PLEKHA2: variants seen among roughly 807,000 people sequenced by gnomAD.
PLEKHA2 encodes the protein pleckstrin homology domain-containing family A member 2.
A neutral mutation model predicts 53.2 loss-of-function variants in PLEKHA2; 28 were observed. The observed-to-expected ratio is 0.53, with a 90% CI of 0.39 to 0.72. The LOEUF is 0.72. Among genes scored for constraint, PLEKHA2 ranks in the 30% least tolerant of loss-of-function variants. The pLI, the probability that PLEKHA2 is intolerant of heterozygous loss-of-function variation, is 0.00. For synonymous variants in PLEKHA2, 193 were observed against 196.4 expected, an observed-to-expected ratio of 0.98 and a Z score of 0.14; for missense variants, 426 against 537.9, an observed-to-expected ratio of 0.79 and a Z score of 2.06.
At chr8:38,945,565 T>C (rs1834698105) in intron 4 of PLEKHA2, among the ~76,000 whole-genome samples, 1 of 152,144 alleles carries the variant, frequency 6.6e-6, no homozygotes, top group African/African-American at 2.4e-5. Flanking sequence ...TGAAAATATA[T>C]ATATGTAATA....
At chr8:38,918,246 A>T (rs1276028077) in intron 2 of PLEKHA2, among the ~76,000 whole-genome samples, 176 bp downstream of exon 2, 7 of 151,658 alleles carry the variant, frequency 4.6e-5, no homozygotes, top group Non-Finnish European at 7.4e-5. Flanking sequence ...ATTCACGTGC[A>T]CACACACCAC....
At chr8:38,951,022 T>C (rs1248654359) in intron 6 of PLEKHA2, 32 bp downstream of exon 6, 3 of 1,357,500 alleles carry the variant, frequency 2.2e-6, no homozygotes, top group Non-Finnish European at 2.9e-6. Context: ...GCGGGGGGAG[T>C]GGGGGTGTGG....
intron 1 of PLEKHA2, among the ~76,000 whole-genome samples, chr8:38,902,695 G>T (rs762368609): frequency 1.3e-5 from 2 of 152,190 alleles, no homozygotes; most frequent in Non-Finnish European, 2.9e-5. Flanking sequence ...CAAAGCAAAA[G>T]ATCTTGAAAG....
At chr8:38,915,729 C>T (rs2152366537) in intron 1 of PLEKHA2, among the ~76,000 whole-genome samples, 1 of 152,324 alleles carries the variant, frequency 6.6e-6, no homozygotes, top group East Asian at 1.9e-4. Context: ...GACCCTACCT[C>T]AAGGCTCCAG....
rs1834656406 is a variant in PLEKHA2, at chr8:38,943,782, G to T, written c.199-7G>T. On this transcript the variant is annotated splice_polypyrimidine_tract_variant and splice_region_variant and intron_variant, in intron 3 of 11. Transcript: ENST00000617275. ...TTCATGTTTCTTTTATTTCTTATTTGATTTAGGTGAGCATAGCTACCCCAA... is the reference window on the plus strand; with the variant it reads ...TTCATGTTTCTTTTATTTCTTATTTTATTTAGGTGAGCATAGCTACCCCAA... 1.9e-6 allele frequency: 3 copies of T among 1,555,260 alleles called. No individual in the cohort carries two copies. The highest frequency in any genetic ancestry group is 4.7e-5 in the East Asian group (2 of 42,524).
chr8:38,953,430 T>TACTACCCTTC, intron 9 of PLEKHA2, 63 bp downstream of exon 9: 1 of 1,433,080 alleles, frequency 7.0e-7, no homozygotes, highest in Non-Finnish European at 9.8e-7. Flanking sequence ...AATCTCCCTT[T>TACTACCCTTC]ACTACCCTTC....
intron 2 of PLEKHA2, among the ~76,000 whole-genome samples, chr8:38,924,611 A>G (rs1347079701): frequency 6.6e-6 from 1 of 152,190 alleles, no homozygotes; most frequent in Non-Finnish European, 1.5e-5. Flanking sequence ...CCAGCTCTGC[A>G]CATGTGGGCA....
At position 38,972,523 on chromosome 8, in the gene PLEKHA2, T is replaced by C. The variant is rs1188750451; in HGVS notation, c.*2740T>C. On this transcript the variant is annotated 3_prime_UTR_variant, in exon 12 of 12. Transcript: ENST00000617275. ...TGTAGTTCAATATGAGATAAATTAT[T>C]ATCTTCAATGAAACAAGCTCTAAAA... 2 of 152,206 alleles carry C rather than the reference T, an allele frequency of 1.3e-5. No homozygotes were observed. 9.4% of individuals were successfully genotyped at this position (152,206 alleles called of 1,614,324 possible).
chr8:38,939,013 T>C (rs4733956), intron 3 of PLEKHA2, among the ~76,000 whole-genome samples: 122,524 of 151,870 alleles, frequency 0.81, 50,174 homozygotes, highest in African/African-American at 0.91. Flanking sequence ...AAGCGATTGT[T>C]CTGCCTCAGC....
chr8:38,912,260 C>T (rs1833965157), intron 1 of PLEKHA2, among the ~76,000 whole-genome samples: 1 of 152,192 alleles, frequency 6.6e-6, no homozygotes, highest in South Asian at 2.1e-4. Context: ...GCCGAGATGG[C>T]TCCACTGCAC....
chr8:38,957,497 C>A, intron 10 of PLEKHA2, 111 bp downstream of exon 10: 2 of 936,822 alleles, frequency 2.1e-6, no homozygotes. Context: ...AGTTTCTAGG[C>A]AGTAAATTTA....
At chr8:38,956,677 G>T (rs570895439) in intron 9 of PLEKHA2, among the ~76,000 whole-genome samples, 28 of 152,262 alleles carry the variant, frequency 1.8e-4, no homozygotes, top group South Asian at 1.7e-3. Flanking sequence ...GCATGTGCCT[G>T]TAGCCCCAGT....
chr8:38,955,504 C>T (rs1227095223), intron 9 of PLEKHA2, among the ~76,000 whole-genome samples: 1 of 152,138 alleles, frequency 6.6e-6, no homozygotes, highest in Non-Finnish European at 1.5e-5. Flanking sequence ...CAAGGGGGTC[C>T]TCTTATTTGT....
intron 11 of PLEKHA2, chr8:38,968,898 C>CTTT (rs761821480): frequency 3.8e-4 from 95 of 250,606 alleles, no homozygotes; most frequent in Middle Eastern, 1.3e-3. Flanking sequence ...AATGGAATTT[C>CTTT]TTTTTTTTTT....
At chr8:38,953,515 C>A in intron 9 of PLEKHA2, 148 bp downstream of exon 9, 1 of 816,678 alleles carries the variant, frequency 1.2e-6, no homozygotes. Flanking sequence ...TGACTCACTG[C>A]ATCCAAGCTA....
rs1476546567 is a variant in PLEKHA2, at chr8:38,939,698, A to G, written c.198+3648A>G. ...ACAGTCCGCCTGTGGTGCTCTCTCT[A>G]GTCAGTGACAAATAGGAGTTTTTCA... On this transcript the variant is annotated intron_variant, in intron 3 of 11. Coordinates refer to ENST00000617275, the MANE Select transcript of PLEKHA2 (RefSeq NM_021623.2). Among the ~76,000 whole-genome samples, 3 of 152,320 alleles carry G rather than the reference A, an allele frequency of 2.0e-5. No individual in the cohort carries two copies. The South Asian group carries it at 6.2e-4, about 32-fold the overall frequency.
At chr8:38,958,441 C>T (rs1396835727) in intron 10 of PLEKHA2, among the ~76,000 whole-genome samples, 3 of 152,224 alleles carry the variant, frequency 2.0e-5, no homozygotes, top group African/African-American at 7.2e-5. Flanking sequence ...TTCTGGGCCT[C>T]GAGTGTCACT....
intron 2 of PLEKHA2, among the ~76,000 whole-genome samples, chr8:38,921,598 T>C (rs1346687761): frequency 6.6e-6 from 1 of 152,208 alleles, no homozygotes; most frequent in Non-Finnish European, 1.5e-5. Flanking sequence ...CCTTCTAAGC[T>C]CTCTGGGGTC....
At chr8:38,916,223 T>G (rs765280762) in intron 1 of PLEKHA2, among the ~76,000 whole-genome samples, 1 of 152,176 alleles carries the variant, frequency 6.6e-6, no homozygotes, top group Non-Finnish European at 1.5e-5. Context: ...GTAATCCACC[T>G]GCCTCAGCCT....
Sources: allele counts gnomAD v4.1 joint callset (sites outside exome capture counted in the v4.1 genomes callset), GRCh38; gene constraint gnomAD v4.1.1; transcripts MANE v1.5; gene names NCBI Gene and HGNC (gene_info 2026-07-23, HGNC 2026-07-21).